Variants in ITGAV observed in about 807,000 individuals in gnomAD.
ITGAV encodes integrin alpha-V.
ITGAV carries 76 observed loss-of-function variants against 143.8 expected under a neutral mutation model. That is an observed-to-expected ratio of 0.53 (90% CI 0.44 to 0.64). The LOEUF (loss-of-function observed/expected upper bound fraction) is 0.64, where lower values mean the gene tolerates loss of function less well. ITGAV is among the 30% of genes least tolerant of loss of function. ITGAV has a pLI of 0.00. For synonymous variants in ITGAV, 453 were observed against 446.7 expected, an observed-to-expected ratio of 1.01 and a Z score of -0.18; for missense variants, 1,193 against 1,274.7, an observed-to-expected ratio of 0.94 and a Z score of 0.98.
intron 10 of ITGAV, among the ~76,000 whole-genome samples, chr2:186,638,666 GTGTGTA>G (rs1229392172): frequency 1.5e-4 from 22 of 142,928 alleles, no homozygotes; most frequent in African/African-American, 4.6e-4. Context: ...GTGTGTGTGT[GTGTGTA>G]GTATATAAAC....
chr2:186,590,289 G>A lies in ITGAV; in HGVS notation c.-50G>A, dbSNP rs199679731. The A allele has an allele frequency of 9.8e-6, 14 of 1,432,222 alleles. 1 individual carries two copies. Among genetic ancestry groups the A allele is most frequent in the East Asian group, 3.0e-5 (1 of 33,886 alleles). The allele number at this position is 1,432,222 out of a possible 1,614,324, so 88.7% of individuals were successfully genotyped here. A position where few individuals can be genotyped will look rare whatever the true frequency, so the allele number is the denominator to read the frequency against. ...GGGCACTGGGCGCCTCGCTGGGGCG[G>A]GGGGAGGTGGCTACCGCTCCCGGCT... On this transcript the variant is annotated 5_prime_UTR_variant, in exon 1 of 30. Transcript: ENST00000261023.
chr2:186,609,168 G>A (rs1028746145), intron 2 of ITGAV, among the ~76,000 whole-genome samples: 1 of 152,122 alleles, frequency 6.6e-6, no homozygotes, highest in African/African-American at 2.4e-5. Flanking sequence ...CCTTTTGACT[G>A]GAAAACAGGG....
At chr2:186,657,679 G>A (rs7589470) in intron 17 of ITGAV, among the ~76,000 whole-genome samples, 94,724 of 151,986 alleles carry the variant, frequency 0.62, 29,679 homozygotes, top group East Asian at 0.84. Context: ...TAAGAATTGA[G>A]ATGGGACATT....
intron 18 of ITGAV, among the ~76,000 whole-genome samples, chr2:186,662,532 T>G (rs947502604): frequency 6.6e-6 from 1 of 152,244 alleles, no homozygotes; most frequent in South Asian, 2.1e-4. Context: ...TTAATTCTCT[T>G]ACTGCAAAAC....
At chr2:186,605,307 C>T (rs1316745787) in intron 2 of ITGAV, among the ~76,000 whole-genome samples, 1 of 152,204 alleles carries the variant, frequency 6.6e-6, no homozygotes, top group Non-Finnish European at 1.5e-5. Flanking sequence ...ACAGTAGGCA[C>T]ATTCCCACTT....
intron 2 of ITGAV, among the ~76,000 whole-genome samples, chr2:186,619,102 T>G (rs1687449742): frequency 7.2e-6 from 1 of 139,158 alleles, no homozygotes; most frequent in Non-Finnish European, 1.5e-5. Flanking sequence ...ACATTATATA[T>G]AGTATATTTT....
chr2:186,617,346 A>C lies in ITGAV; in HGVS notation c.317-4993A>C, dbSNP rs529794928. On this transcript the variant is annotated intron_variant, in intron 2 of 29. Transcript: ENST00000261023. The stretch of plus-strand genomic sequence containing the variant: ...ATAATTGTCCAGCAAGTTGAGTGCC[A>C]AATGTGTTGACAATGCCTTTGGAAA... Among the ~76,000 whole-genome samples the C allele has an allele frequency of 1.2e-4, 18 of 152,358 alleles. No individual in the cohort carries two copies. In the East Asian group the frequency reaches 3.3e-3, roughly 28 times the overall value.
rs922260379 is a variant in ITGAV, at chr2:186,635,743, T to C, written c.632-339T>C. 2.1e-4 allele frequency among the ~76,000 whole-genome samples: 32 copies of C among 152,188 alleles called. 2 individuals carry two copies. Among genetic ancestry groups the C allele is most frequent in the Non-Finnish European group, 7.4e-5 (5 of 68,016 alleles). On this transcript the variant is annotated intron_variant, in intron 6 of 29. Transcript: ENST00000261023. ...CTGATTATAAAAGTAACAGTATTGT[T>C]TCAGTAAATTTTTCATGTTTTAATG...
chr2:186,643,786 G>A (rs1031512231), intron 12 of ITGAV, among the ~76,000 whole-genome samples: 14 of 152,176 alleles, frequency 9.2e-5, no homozygotes, highest in African/African-American at 2.7e-4. Flanking sequence ...TTGCATGAAT[G>A]TGTAGGATTT....
chr2:186,636,183 G>A lies in ITGAV; in HGVS notation c.733G>A (p.Ala245Thr), dbSNP rs1487349895. The A allele has an allele frequency of 5.6e-6, 9 of 1,611,976 alleles. No individual in the cohort carries two copies. In the Admixed American group the frequency reaches 8.4e-5, roughly 15 times the overall value. Residue 245 changes from alanine to threonine, a missense_variant, in exon 7 of 30, where the codon GCT becomes ACT. Coordinates refer to ENST00000261023, the MANE Select transcript of ITGAV (RefSeq NM_002210.5). ...NNQLATRTAQ[A>T]IFDDSYLGYS... ...CCAATTAGCAACTCGGACTGCACAA[G>A]CTATTTTTGATGACAGCTATTTGGG...
Position 186,677,418 on chromosome 2 carries a change from C to T in ITGAV, c.*126C>T. 1.5e-6 allele frequency: 1 copy of T among 659,662 alleles called. No homozygotes were observed. The highest frequency in any genetic ancestry group is 1.8e-5 in the African/African-American group (1 of 54,750). The allele number at this position is 659,662 out of a possible 1,614,324, so 40.9% of individuals were successfully genotyped here. On this transcript the variant is annotated 3_prime_UTR_variant, in exon 30 of 30. Transcript: ENST00000261023. ...TGCTGATAGTGCTAATTGGCATTAA[C>T]CACAAAATGAGAATTATATTTGTCA...
At chr2:186,660,170 G>A (rs1215408006) in intron 18 of ITGAV, among the ~76,000 whole-genome samples, 2 of 152,044 alleles carry the variant, frequency 1.3e-5, no homozygotes, top group Admixed American at 1.3e-4. Context: ...TAATTTTTTA[G>A]AAATCTTTTA....
chr2:186,663,635 C>T (rs1453797702), intron 18 of ITGAV, 133 bp from the exon 19 acceptor site: 4 of 604,404 alleles, frequency 6.6e-6, no homozygotes, highest in Non-Finnish European at 8.6e-6. Context: ...AGGTATACAA[C>T]AAACAAGCTG....
chr2:186,676,736 A>T (rs946125172), intron 28 of ITGAV, 77 bp from the exon 29 acceptor site: 2 of 1,416,088 alleles, frequency 1.4e-6, no homozygotes, highest in Non-Finnish European at 1.9e-6. Context: ...ATTAAAATAA[A>T]ATATAATATT....
intron 23 of ITGAV, 101 bp from the exon 24 acceptor site, chr2:186,667,565 TAAATC>T (rs1688935600): frequency 1.8e-6 from 1 of 549,824 alleles, no homozygotes; most frequent in East Asian, 3.0e-5. Context: ...TTTTTAAAAT[TAAATC>T]TAATTTTATT....
Position 186,641,532 on chromosome 2 carries a change from C to T in ITGAV, c.1103C>T (p.Ala368Val). The change falls in exon 12 of 30, where the codon GCA becomes GTA. Residue 368 changes from alanine to valine, a missense_variant. By Grantham distance (64) the Ala-to-Val change is moderately conservative. Coordinates refer to ENST00000261023, the MANE Select transcript of ITGAV (RefSeq NM_002210.5). ...TTKLNGFEVF[A>V]RFGSAIAPLG... The stretch of plus-strand genomic sequence containing the variant: ...AAGCTGAATGGATTTGAGGTCTTTG[C>T]ACGGTTTGGCAGTGCCATAGCTCCT... The T allele has an allele frequency of 1.2e-6, 2 of 1,614,130 alleles. No individual in the cohort carries two copies. Among genetic ancestry groups the T allele is most frequent in the Non-Finnish European group, 1.7e-6 (2 of 1,180,014 alleles).
intron 1 of ITGAV, among the ~76,000 whole-genome samples, chr2:186,598,350 A>G (rs1247706125): frequency 6.7e-6 from 1 of 149,640 alleles, no homozygotes; most frequent in Non-Finnish European, 1.5e-5. Flanking sequence ...GTGTTAACCA[A>G]CTCTGCTCTA....
chr2:186,667,548 A>G (rs1688935055), intron 23 of ITGAV, 123 bp from the exon 24 acceptor site: 1 of 534,104 alleles, frequency 1.9e-6, no homozygotes, highest in Middle Eastern at 5.0e-4. Flanking sequence ...GTTTTCTTTT[A>G]AAGTATTTTT....
chr2:186,669,025 C>A, intron 25 of ITGAV, 105 bp downstream of exon 25: 1 of 1,025,402 alleles, frequency 9.8e-7, no homozygotes, highest in Non-Finnish European at 1.4e-6. Flanking sequence ...TAATATAAAA[C>A]CCACTCTGCA....
Sources: allele counts gnomAD v4.1 joint callset (sites outside exome capture counted in the v4.1 genomes callset), GRCh38; gene constraint gnomAD v4.1.1; transcripts MANE v1.5; gene names NCBI Gene and HGNC (gene_info 2026-07-23, HGNC 2026-07-21).